Variants in NBAS observed in about 807,000 individuals in gnomAD.
NBAS encodes NBAS subunit of NRZ tethering complex, also known as NAG/BC035112 fusion.
In NBAS, 219 loss-of-function variants were observed where a neutral mutation model predicts 302.5. The observed-to-expected ratio is 0.72, with a 90% confidence interval of 0.65 to 0.81. The LOEUF is 0.81. Among genes scored for constraint, NBAS ranks in the 30% least tolerant of loss-of-function variants. NBAS has a pLI of 0.00. For missense variants in NBAS, 2,932 were observed against 2,841.6 expected, an observed-to-expected ratio of 1.03 and a Z score of -0.72; for synonymous variants, 1,118 against 1,021.6, an observed-to-expected ratio of 1.09 and a Z score of -1.80.
chr2:15,131,905 T>C, the NBAS span, among the ~76,000 whole-genome samples: 1 of 152,068 alleles, frequency 6.6e-6, no homozygotes, highest in Non-Finnish European at 1.5e-5. Context: ...CACACACTTT[T>C]AAATTACCAG....
chr2:14,924,705 A>G, the NBAS span, among the ~76,000 whole-genome samples: 2 of 152,170 alleles, frequency 1.3e-5, no homozygotes, highest in African/African-American at 2.4e-5. Flanking sequence ...TCTCAAAGAC[A>G]TATTAACTCC....
At chr2:15,319,457 G>C (rs756999937) in intron 38 of NBAS, among the ~76,000 whole-genome samples, 1 of 142,288 alleles carries the variant, frequency 7.0e-6, no homozygotes, top group Admixed American at 6.9e-5. Context: ...ATGAATCCAG[G>C]AGCTGGTTTT....
intron 11 of NBAS, among the ~76,000 whole-genome samples, chr2:15,496,611 G>A (rs1448121636): frequency 2.0e-5 from 3 of 151,970 alleles, no homozygotes. Flanking sequence ...GAGGGAGGGA[G>A]AAGGAGAGGC....
chr2:14,955,460 G>C, the NBAS span, among the ~76,000 whole-genome samples: 1 of 152,202 alleles, frequency 6.6e-6, no homozygotes, highest in African/African-American at 2.4e-5. Flanking sequence ...TGCCCCAGTG[G>C]GGAATCTGTA....
At chr2:15,443,085 C>A (rs1678522288) in intron 21 of NBAS, among the ~76,000 whole-genome samples, 1 of 152,066 alleles carries the variant, frequency 6.6e-6, no homozygotes, top group Admixed American at 6.6e-5. Context: ...CAAGGAGGAA[C>A]TGGTACCATT....
At chr2:15,382,264 A>G (rs1675075191) in intron 29 of NBAS, among the ~76,000 whole-genome samples, 1 of 152,112 alleles carries the variant, frequency 6.6e-6, no homozygotes, top group African/African-American at 2.4e-5. Context: ...TAATGAGTAA[A>G]TCCCCCTGGA....
At chr2:15,351,892 A>T in intron 35 of NBAS, 100 bp downstream of exon 35, 1 of 831,914 alleles carries the variant, frequency 1.2e-6, no homozygotes, top group Non-Finnish European at 2.1e-6. Flanking sequence ...ACACACACAC[A>T]CACACACACA....
chr2:15,542,691 G>A (rs928610514), intron 6 of NBAS, among the ~76,000 whole-genome samples: 2 of 151,552 alleles, frequency 1.3e-5, no homozygotes, highest in East Asian at 3.8e-4. Context: ...GCAGGCACAG[G>A]TGCAAAATAA....
At chr2:15,376,370 T>C (rs941662476) in intron 30 of NBAS, among the ~76,000 whole-genome samples, 4 of 152,156 alleles carry the variant, frequency 2.6e-5, no homozygotes, top group Non-Finnish European at 5.9e-5. Flanking sequence ...AGGACCGGCT[T>C]TTTAAATGAT....
intron 16 of NBAS, among the ~76,000 whole-genome samples, chr2:15,471,965 G>A (rs112665761): frequency 1.8e-4 from 27 of 152,256 alleles, no homozygotes; most frequent in Admixed American, 3.3e-4. Flanking sequence ...TTGTTGCAGC[G>A]GCTAAAACTA....
chr2:15,227,544 A>G (rs145502778), intron 47 of NBAS, among the ~76,000 whole-genome samples: 2 of 152,278 alleles, frequency 1.3e-5, no homozygotes, highest in East Asian at 3.9e-4. Flanking sequence ...GATACCTAAA[A>G]CAAACACAGC....
the NBAS span, among the ~76,000 whole-genome samples, chr2:14,779,048 C>T: frequency 6.0e-4 from 92 of 152,282 alleles, no homozygotes; most frequent in Middle Eastern, 3.4e-3. Flanking sequence ...TAATCCAAGA[C>T]GCTTTGATCT....
chr2:14,795,173 T>A, the NBAS span, among the ~76,000 whole-genome samples: 3 of 152,120 alleles, frequency 2.0e-5, no homozygotes, highest in African/African-American at 4.8e-5. Flanking sequence ...TGAAAAAAAA[T>A]TTTCAAAGTG....
chr2:15,381,273 C>CTTTCAAA (rs142511220), intron 29 of NBAS, among the ~76,000 whole-genome samples: 94,314 of 151,122 alleles, frequency 0.62, 30,123 homozygotes, highest in Middle Eastern at 0.68. Context: ...TGCCACTGAA[C>CTTTCAAA]TTATTTTCCA....
At chr2:15,168,539 C>T (rs1337599124) in intron 51 of NBAS, among the ~76,000 whole-genome samples, 1 of 152,224 alleles carries the variant, frequency 6.6e-6, no homozygotes. Flanking sequence ...TTGGCCAATA[C>T]TTGGGAGTAT....
intron 50 of NBAS, among the ~76,000 whole-genome samples, chr2:15,184,138 G>A (rs868518143): frequency 7.9e-5 from 12 of 152,120 alleles, no homozygotes; most frequent in African/African-American, 2.2e-4. Flanking sequence ...GAATGCTGAC[G>A]AGAATATTAC....
Position 15,311,067 on chromosome 2 carries a change from A to G in NBAS, c.4583-1820T>C, listed in dbSNP as rs558974640. 8.5e-5 allele frequency among the ~76,000 whole-genome samples: 13 copies of G among 152,350 alleles called. No individual in the cohort carries two copies. In the South Asian group the frequency reaches 2.7e-3, roughly 32 times the overall value. The stretch of plus-strand genomic sequence containing the variant: ...TGACTACATAATTTTGAGTTCCAGA[A>G]TTCAGAATGTTTTGGACTTTAGGAG... On this transcript the variant is annotated intron_variant, in intron 38 of 51. Transcript: ENST00000281513.
chr2:15,561,323 C>G lies in NBAS; in HGVS notation c.-19G>C, dbSNP rs960086332. 6.2e-7 allele frequency: 1 copy of G among 1,606,704 alleles called. No homozygotes were observed. On this transcript the variant is annotated 5_prime_UTR_variant, in exon 1 of 52. Coordinates refer to ENST00000281513, the MANE Select transcript of NBAS (RefSeq NM_015909.4). ...CCGCCATGTTCGCCGAGGACTCAGG[C>G]AGCGGAGGAGTGTCTCTACGGAATC... is the stretch of plus-strand genomic sequence containing the variant.
chr2:15,404,865 T>C (rs1199690260), intron 25 of NBAS, among the ~76,000 whole-genome samples: 2 of 152,128 alleles, frequency 1.3e-5, no homozygotes, highest in Non-Finnish European at 2.9e-5. Flanking sequence ...TGACCACATA[T>C]GTTCAAACTT....
Sources: allele counts gnomAD v4.1 joint callset (sites outside exome capture counted in the v4.1 genomes callset), GRCh38; gene constraint gnomAD v4.1.1; transcripts MANE v1.5; gene names NCBI Gene and HGNC (gene_info 2026-07-23, HGNC 2026-07-21).